The following PID1 variants were observed in gnomAD, a reference collection of about 807,000 sequenced individuals.
PID1 encodes phosphotyrosine interaction domain containing 1, also known as PTB-containing, cubilin and LRP1-interacting protein.
PID1 carries 10 observed loss-of-function variants against 19.1 expected under a neutral mutation model. The observed-to-expected ratio is 0.52, with a 90% CI of 0.32 to 0.89. PID1 has a LOEUF of 0.89. Ranked by LOEUF, PID1 falls within the 40% of genes least tolerant of loss-of-function variation. PID1 has a pLI of 0.03. For missense variants in PID1, 248 were observed against 285.3 expected (o/e 0.87, Z 0.94); for synonymous variants, 130 against 116.0 (o/e 1.12, Z -0.78).
intron 2 of PID1, among the ~76,000 whole-genome samples, chr2:229,134,984 GAAGA>G (rs2106172280): frequency 6.6e-6 from 1 of 151,924 alleles, no homozygotes; most frequent in Admixed American, 6.6e-5. Flanking sequence ...AAGAGAGAAT[GAAGA>G]AACAAAGAAG....
intron 2 of PID1, among the ~76,000 whole-genome samples, chr2:229,094,239 G>T (rs544489785): frequency 1.3e-5 from 2 of 152,176 alleles, no homozygotes; most frequent in African/African-American, 4.8e-5. Flanking sequence ...TAACCAAAGA[G>T]ATAAGAGATC....
intron 2 of PID1, among the ~76,000 whole-genome samples, chr2:229,101,831 T>G (rs1273757037): frequency 6.6e-6 from 1 of 152,172 alleles, no homozygotes; most frequent in Non-Finnish European, 1.5e-5. Flanking sequence ...CCAAAAGATG[T>G]CCATATCCTA....
intron 1 of PID1, among the ~76,000 whole-genome samples, chr2:229,200,885 C>A (rs1385504838): frequency 6.6e-6 from 1 of 152,042 alleles, no homozygotes; most frequent in African/African-American, 2.4e-5. Context: ...TGTGTGAAGG[C>A]ATGTGGGTGC....
At position 229,235,626 on chromosome 2, in the gene PID1, T is replaced by C. The variant is rs188328033; in HGVS notation, c.30+35388A>G. Among the ~76,000 whole-genome samples, 10 of 152,302 alleles carry C rather than the reference T, an allele frequency of 6.6e-5. No individual in the cohort carries two copies. In the East Asian group the frequency reaches 1.9e-3, roughly 29 times the overall value. On this transcript the variant is annotated intron_variant, in intron 1 of 2. Coordinates refer to ENST00000392055, the MANE Select transcript of PID1 (RefSeq NM_001100818.2). ...CACTGGAACGCTGGCACCAACACTG[T>C]CCTCCACTGTTGCAATCACTGACAA... is the stretch of plus-strand genomic sequence containing the variant.
At position 229,128,245 on chromosome 2, in the gene PID1, T is replaced by C. The variant is rs559150056; in HGVS notation, c.177+27573A>G. 6.2e-4 allele frequency among the ~76,000 whole-genome samples: 94 copies of C among 152,332 alleles called. 1 individual carries two copies. Among genetic ancestry groups the C allele is most frequent in the African/African-American group, 2.2e-3 (91 of 41,578 alleles). On this transcript the variant is annotated intron_variant, in intron 2 of 2. Coordinates refer to ENST00000392055, the MANE Select transcript of PID1 (RefSeq NM_001100818.2). ...TTTGCAACCTCTCAGAAGGCACTTATTCCAAGTATAATCCAATTTAGAAAG... is the reference window on the plus strand; with the variant it reads ...TTTGCAACCTCTCAGAAGGCACTTACTCCAAGTATAATCCAATTTAGAAAG...
At chr2:229,256,260 C>T (rs1297309988) in intron 1 of PID1, among the ~76,000 whole-genome samples, 1 of 152,124 alleles carries the variant, frequency 6.6e-6, no homozygotes, top group Non-Finnish European at 1.5e-5. Context: ...TCAAGCCCTC[C>T]GTGATCTGAC....
intron 2 of PID1, among the ~76,000 whole-genome samples, chr2:229,067,010 A>G (rs13418990): frequency 0.068 from 10,288 of 152,156 alleles, 396 homozygotes; most frequent in African/African-American, 0.11. Flanking sequence ...TTTGTAAAGG[A>G]AGAGGTTTAA....
At chr2:229,228,658 A>T (rs897665375) in intron 1 of PID1, among the ~76,000 whole-genome samples, 3 of 152,186 alleles carry the variant, frequency 2.0e-5, no homozygotes, top group African/African-American at 7.2e-5. Context: ...TTTTGTGTGT[A>T]TATATGTGTA....
At chr2:229,192,166 A>G (rs1691274268) in intron 1 of PID1, among the ~76,000 whole-genome samples, 2 of 152,238 alleles carry the variant, frequency 1.3e-5, no homozygotes, top group African/African-American at 2.4e-5. Flanking sequence ...AATTAAGAGG[A>G]AGACTAGCTC....
chr2:229,237,095 T>A (rs1294786913), intron 1 of PID1, among the ~76,000 whole-genome samples: 2 of 151,162 alleles, frequency 1.3e-5, no homozygotes, highest in Non-Finnish European at 2.9e-5. Flanking sequence ...TATTAAGAAA[T>A]TAAAACAAAC....
intron 2 of PID1, among the ~76,000 whole-genome samples, chr2:229,027,861 G>A (rs1403144098): frequency 6.6e-6 from 1 of 152,170 alleles, no homozygotes; most frequent in African/African-American, 2.4e-5. Flanking sequence ...TTGCAGGATC[G>A]CCCCACATGT....
At chr2:229,041,005 A>C (rs1693759926) in intron 2 of PID1, among the ~76,000 whole-genome samples, 1 of 152,218 alleles carries the variant, frequency 6.6e-6, no homozygotes. Context: ...CTTTCAATAT[A>C]TCTAGATATG....
chr2:229,210,460 T>G (rs1691704572), intron 1 of PID1, among the ~76,000 whole-genome samples: 1 of 130,184 alleles, frequency 7.7e-6, no homozygotes, highest in South Asian at 2.4e-4. Flanking sequence ...GAGCTTGCAG[T>G]GAGCTGAGAT....
At chr2:229,127,036 G>A (rs531339942) in intron 2 of PID1, among the ~76,000 whole-genome samples, 1 of 152,238 alleles carries the variant, frequency 6.6e-6, no homozygotes, top group Non-Finnish European at 1.5e-5. Flanking sequence ...CCAGCGGGGA[G>A]AGAGAATAAA....
At chr2:229,208,455 C>T (rs1691656145) in intron 1 of PID1, among the ~76,000 whole-genome samples, 1 of 152,184 alleles carries the variant, frequency 6.6e-6, no homozygotes, top group East Asian at 1.9e-4. Flanking sequence ...ATAAAGATCC[C>T]ATTTGCAATT....
chr2:229,190,632 G>GTC (rs1458739938), intron 1 of PID1, among the ~76,000 whole-genome samples: 4 of 152,242 alleles, frequency 2.6e-5, no homozygotes, highest in African/African-American at 9.6e-5. Flanking sequence ...TGTTTTATCG[G>GTC]TCTATCTACA....
At chr2:229,091,501 C>A (rs140661059) in intron 2 of PID1, among the ~76,000 whole-genome samples, 10 of 152,168 alleles carry the variant, frequency 6.6e-5, no homozygotes, top group African/African-American at 2.4e-4. Flanking sequence ...AGATGTGGGG[C>A]CTCTTGGAAA....
intron 1 of PID1, among the ~76,000 whole-genome samples, chr2:229,191,146 G>A (rs948885060): frequency 6.6e-6 from 1 of 152,186 alleles, no homozygotes; most frequent in Non-Finnish European, 1.5e-5. Flanking sequence ...CGTCCTGGAT[G>A]TATTGGGTGT....
rs116624302 is a variant in PID1, at chr2:229,177,702, C to T, written c.31-21738G>A. Among the ~76,000 whole-genome samples, 590 of 152,308 alleles carry T rather than the reference C, an allele frequency of 3.9e-3. 7 individuals carry two copies. The highest frequency in any genetic ancestry group is 0.014 in the African/African-American group (562 of 41,568). On this transcript the variant is annotated intron_variant, in intron 1 of 2. Transcript: ENST00000392055. ...TTGATCAGACAGACTAGGGGAACAA[C>T]TATCCAGTTGAACCCCTGGCATCTT... is the stretch of plus-strand genomic sequence containing the variant.
Sources: gnomAD v4.1 joint callset for allele counts (sites outside exome capture counted in the v4.1 genomes callset) on GRCh38, gnomAD v4.1.1 for gene constraint, MANE v1.5 for transcripts, NCBI Gene and HGNC (gene_info 2026-07-23, HGNC 2026-07-21) for gene names.